Variants in PDE1C observed in about 807,000 individuals in gnomAD.
The protein encoded by PDE1C is phosphodiesterase 1C.
Under a neutral mutation model 93.1 loss-of-function variants are expected in PDE1C, and 62 were observed. The observed-to-expected ratio is 0.67, with a 90% confidence interval of 0.54 to 0.82. The LOEUF (loss-of-function observed/expected upper bound fraction) is 0.82, where lower values mean the gene tolerates loss of function less well. Ranked by LOEUF, PDE1C falls within the 40% of genes least tolerant of loss-of-function variation. The probability of loss-of-function intolerance (pLI) is 0.00; values close to 1 mark genes in which losing one functional copy is unlikely to be tolerated. For synonymous variants in PDE1C, 325 were observed against 310.1 expected, an observed-to-expected ratio of 1.05 and a Z score of -0.50; for missense variants, 742 against 884.6, an observed-to-expected ratio of 0.84 and a Z score of 2.04.
intron 16 of PDE1C, among the ~76,000 whole-genome samples, chr7:31,779,824 C>T (rs1783269401): frequency 6.6e-6 from 1 of 152,186 alleles, no homozygotes; most frequent in Non-Finnish European, 1.5e-5. Context: ...CAAAGTTCCA[C>T]TCATGGGAGT....
chr7:31,660,797 A>G, the PDE1C span, among the ~76,000 whole-genome samples: 2 of 152,108 alleles, frequency 1.3e-5, no homozygotes, highest in African/African-American at 4.8e-5. Context: ...ATTCATTTAA[A>G]TATGAAAATA....
chr7:32,144,660 T>C (rs1800726523), intron 3 of PDE1C, among the ~76,000 whole-genome samples: 1 of 152,156 alleles, frequency 6.6e-6, no homozygotes, highest in Non-Finnish European at 1.5e-5. Flanking sequence ...CTGCTGTGGC[T>C]AGGGAGCAGC....
intron 1 of PDE1C, among the ~76,000 whole-genome samples, chr7:32,322,823 C>T (rs1423715056): frequency 6.6e-6 from 1 of 152,068 alleles, no homozygotes; most frequent in Admixed American, 6.5e-5. Flanking sequence ...GCATCTTGGC[C>T]AGGATGGTCT....
the PDE1C span, chr7:31,643,024 G>T: frequency 6.2e-7 from 1 of 1,614,008 alleles, no homozygotes; most frequent in East Asian, 2.2e-5. Context: ...TGCTGAGTAT[G>T]AGGTCACCAG....
At chr7:31,999,083 C>T (rs1212812909) in intron 2 of PDE1C, among the ~76,000 whole-genome samples, 2 of 152,174 alleles carry the variant, frequency 1.3e-5, no homozygotes, top group Admixed American at 1.3e-4. Flanking sequence ...ACTCATCTTC[C>T]TGAAGACACA....
At chr7:32,205,638 T>C (rs1358804917) in intron 2 of PDE1C, among the ~76,000 whole-genome samples, 7 of 152,184 alleles carry the variant, frequency 4.6e-5, no homozygotes, top group Non-Finnish European at 1.0e-4. Flanking sequence ...GCTTGTGCCC[T>C]GCAGAAGCTT....
intron 1 of PDE1C, among the ~76,000 whole-genome samples, chr7:32,403,875 C>A (rs534970227): frequency 6.6e-6 from 1 of 152,074 alleles, no homozygotes; most frequent in African/African-American, 2.4e-5. Flanking sequence ...TAGAAGATAT[C>A]TTTTTTCCAG....
Position 31,828,277 on chromosome 7 carries a change from G to A in PDE1C, c.1285+15C>T. On this transcript the variant is annotated intron_variant, in intron 12 of 17. Coordinates refer to ENST00000396191, the MANE Select transcript of PDE1C (RefSeq NM_001191057.4). ...CTGCTTTGGTGCTTCTATCCAAAGA[G>A]CTGCAAACACGTACCTACTTGTGAC... is the stretch of plus-strand genomic sequence containing the variant. 6.2e-7 allele frequency: 1 copy of A among 1,606,454 alleles called. No individual in the cohort carries two copies. Among genetic ancestry groups the A allele is most frequent in the South Asian group, 1.1e-5 (1 of 90,824 alleles).
intron 11 of PDE1C, among the ~76,000 whole-genome samples, chr7:31,834,653 A>G (rs1428668403): frequency 6.6e-6 from 1 of 151,604 alleles, no homozygotes; most frequent in African/African-American, 2.4e-5. Context: ...TATTTACCCA[A>G]TGCCTGTACC....
At chr7:31,663,961 T>C in the PDE1C span, among the ~76,000 whole-genome samples, 2 of 152,354 alleles carry the variant, frequency 1.3e-5, no homozygotes, top group East Asian at 3.9e-4. Context: ...CTGTTCATTT[T>C]CTTATCAAAC....
At chr7:31,984,245 A>C (rs1783078935) in intron 2 of PDE1C, among the ~76,000 whole-genome samples, 1 of 152,132 alleles carries the variant, frequency 6.6e-6, no homozygotes, top group African/African-American at 2.4e-5. Context: ...GAGGCATTAG[A>C]TTCTCATAGT....
intron 2 of PDE1C, among the ~76,000 whole-genome samples, chr7:31,922,984 C>T (rs1013155433): frequency 6.6e-6 from 1 of 152,118 alleles, no homozygotes; most frequent in African/African-American, 2.4e-5. Flanking sequence ...TTTCTGTCAG[C>T]TTGGGTGCAT....
chr7:32,048,510 G>C (rs1446158130), intron 2 of PDE1C, among the ~76,000 whole-genome samples: 1 of 151,704 alleles, frequency 6.6e-6, no homozygotes, highest in Non-Finnish European at 1.5e-5. Flanking sequence ...GAGAGGGAGA[G>C]AGAGAAAAAA....
the PDE1C span, among the ~76,000 whole-genome samples, chr7:31,733,088 G>T: frequency 1.3e-5 from 2 of 152,174 alleles, no homozygotes; most frequent in African/African-American, 4.8e-5. Context: ...AGGGTTAAAG[G>T]TTTTCCCCTA....
At chr7:32,268,279 T>TG (rs1468509358) in intron 1 of PDE1C, among the ~76,000 whole-genome samples, 1 of 152,224 alleles carries the variant, frequency 6.6e-6, no homozygotes, top group Non-Finnish European at 1.5e-5. Flanking sequence ...GGGCAGGACT[T>TG]GGAGTCAGAC....
chr7:31,814,706 G>A (rs928347991), intron 15 of PDE1C, among the ~76,000 whole-genome samples: 7 of 148,252 alleles, frequency 4.7e-5, no homozygotes, highest in Admixed American at 4.1e-4. Flanking sequence ...ACAGCATCTA[G>A]TGTGCAGTCA....
the PDE1C span, among the ~76,000 whole-genome samples, chr7:31,628,201 C>G: frequency 6.6e-6 from 1 of 152,310 alleles, no homozygotes; most frequent in East Asian, 1.9e-4. Flanking sequence ...AATCCATGTT[C>G]TTTCTTCTGC....
chr7:32,348,356 CTT>C (rs59148183), intron 1 of PDE1C, among the ~76,000 whole-genome samples: 82 of 57,320 alleles, frequency 1.4e-3, no homozygotes, highest in African/African-American at 4.1e-3. Flanking sequence ...AACAAATGTG[CTT>C]TTTTTTTTTT....
intron 1 of PDE1C, among the ~76,000 whole-genome samples, chr7:32,057,362 G>T (rs1794258240): frequency 6.6e-6 from 1 of 152,162 alleles, no homozygotes; most frequent in African/African-American, 2.4e-5. Context: ...TGGAACTGTG[G>T]ATTACCCAAG....
Sources: allele counts gnomAD v4.1 joint callset (sites outside exome capture counted in the v4.1 genomes callset), GRCh38; gene constraint gnomAD v4.1.1; transcripts MANE v1.5; gene names NCBI Gene and HGNC (gene_info 2026-07-23, HGNC 2026-07-21).